The following DNAJC8 variants were observed in gnomAD, a reference collection of about 807,000 sequenced individuals.
DNAJC8 encodes DnaJ heat shock protein family (Hsp40) member C8, also known as dnaJ homolog subfamily C member 8.
Under a neutral mutation model 43.2 loss-of-function variants are expected in DNAJC8, and 24 were observed. The observed-to-expected ratio is 0.56, with a 90% confidence interval of 0.40 to 0.78. The LOEUF is 0.78. Among genes scored for constraint, DNAJC8 ranks in the 30% least tolerant of loss-of-function variants. DNAJC8 has a pLI of 0.00. For synonymous variants in DNAJC8, 83 were observed against 98.0 expected (o/e 0.85, Z 0.90); for missense variants, 207 against 299.4 (o/e 0.69, Z 2.28).
intron 2 of DNAJC8, among the ~76,000 whole-genome samples, chr1:28,220,907 T>C (rs1158428437): frequency 3.9e-5 from 6 of 152,116 alleles, no homozygotes; most frequent in Non-Finnish European, 8.8e-5. Context: ...TTTTAGGATA[T>C]GGAGGGAGAG....
intron 2 of DNAJC8, among the ~76,000 whole-genome samples, chr1:28,217,556 G>A (rs1646866708): frequency 6.6e-6 from 1 of 152,076 alleles, no homozygotes; most frequent in East Asian, 1.9e-4. Flanking sequence ...AAAGGAATTG[G>A]GAAAGTCACT....
In DNAJC8 at chr1:28,212,168, A is replaced by AATATATATAT. The variant is rs201782610; in HGVS notation, c.238-1541_238-1532dup. 2.2e-3 allele frequency among the ~76,000 whole-genome samples: 68 copies of AATATATATAT among 30,888 alleles called. 1 individual carries two copies. The highest frequency in any genetic ancestry group is 3.2e-3 in the Non-Finnish European group (46 of 14,170). The allele number at this position is 30,888 out of a possible 152,430, so 20.3% of individuals were successfully genotyped here. ...CGGACTCCGTCTCAATAAATAAATA[A>AATATATATAT]ATATATATATATATATATATATATA... is the stretch of plus-strand genomic sequence containing the variant. On this transcript the variant is annotated intron_variant, in intron 3 of 8. Coordinates refer to ENST00000263697, the MANE Select transcript of DNAJC8 (RefSeq NM_014280.3).
chr1:28,216,379 T>C (rs1372693163), intron 2 of DNAJC8, among the ~76,000 whole-genome samples: 1 of 152,032 alleles, frequency 6.6e-6, no homozygotes, highest in African/African-American at 2.4e-5. Context: ...AAACCACTAG[T>C]TCTGAGGAAA....
intron 1 of DNAJC8, among the ~76,000 whole-genome samples, chr1:28,230,578 C>T (rs547100): frequency 0.41 from 63,054 of 152,062 alleles, 14,567 homozygotes; most frequent in African/African-American, 0.62. Context: ...GACTGAATTA[C>T]CCTTCCTTAG....
intron 6 of DNAJC8, among the ~76,000 whole-genome samples, chr1:28,205,991 C>T (rs763972523): frequency 1.3e-5 from 2 of 152,094 alleles, no homozygotes; most frequent in Non-Finnish European, 2.9e-5. Context: ...TGAGACCACC[C>T]TGAGCAACAT....
chr1:28,227,752 A>G (rs1646946738), intron 2 of DNAJC8, among the ~76,000 whole-genome samples: 1 of 152,128 alleles, frequency 6.6e-6, no homozygotes, highest in Non-Finnish European at 1.5e-5. Flanking sequence ...CTCTTTAAAA[A>G]AGAAAAAGAA....
At chr1:28,216,474 C>CA in intron 2 of DNAJC8, among the ~76,000 whole-genome samples, 1 of 151,836 alleles carries the variant, frequency 6.6e-6, no homozygotes, top group East Asian at 1.9e-4. Context: ...CCCACCCTCA[C>CA]AAAAAAAGCC....
At chr1:28,219,830 C>T (rs529198032) in intron 2 of DNAJC8, among the ~76,000 whole-genome samples, 2 of 152,230 alleles carry the variant, frequency 1.3e-5, no homozygotes, top group East Asian at 3.9e-4. Flanking sequence ...GTGTTTGCCA[C>T]CATGCCCAGC....
intron 1 of DNAJC8, among the ~76,000 whole-genome samples, chr1:28,232,568 T>G (rs948878530): frequency 1.3e-5 from 2 of 152,086 alleles, no homozygotes; most frequent in African/African-American, 4.8e-5. Context: ...TACAAAGGAC[T>G]AAGAAACGTC....
At chr1:28,210,667 A>G (rs1646804525) in intron 3 of DNAJC8, 30 bp from the exon 4 acceptor site, 1 of 1,589,896 alleles carries the variant, frequency 6.3e-7, no homozygotes, top group Non-Finnish European at 8.6e-7. Flanking sequence ...GGGGTTGTCA[A>G]TAAGGGAAAC....
chr1:28,228,888 ATTACAGAGGC>A (rs2149025125), intron 2 of DNAJC8, 24 bp downstream of exon 2: 1 of 1,567,134 alleles, frequency 6.4e-7, no homozygotes, highest in African/African-American at 1.4e-5. Flanking sequence ...AATCTCCCCC[ATTACAGAGGC>A]CCTAGCAACA....
intron 8 of DNAJC8, among the ~76,000 whole-genome samples, chr1:28,202,278 T>C (rs1646739721): frequency 6.6e-6 from 1 of 152,082 alleles, no homozygotes; most frequent in Non-Finnish European, 1.5e-5. Flanking sequence ...TTTTTTGTTG[T>C]CATTGTTGTT....
At chr1:28,212,182 T>C (rs1188985085) in intron 3 of DNAJC8, among the ~76,000 whole-genome samples, 1 of 52,544 alleles carries the variant, frequency 1.9e-5, no homozygotes, top group African/African-American at 7.5e-5. Flanking sequence ...TATATATATA[T>C]ATATATATAT....
chr1:28,211,064 T>C (rs1168185187), intron 3 of DNAJC8, among the ~76,000 whole-genome samples: 2 of 152,128 alleles, frequency 1.3e-5, no homozygotes, highest in Non-Finnish European at 2.9e-5. Flanking sequence ...GTCCAAGCTA[T>C]TTAGGAAGCT....
At chr1:28,210,532 C>CAA (rs749057396) in intron 4 of DNAJC8, 39 bp downstream of exon 4, 233 of 1,567,342 alleles carry the variant, frequency 1.5e-4, no homozygotes, top group Admixed American at 7.5e-4. Flanking sequence ...CCCTGCCATT[C>CAA]ACAATCTAAT....
rs150583603 is a variant in DNAJC8, at chr1:28,228,123, G to A, written c.180+799C>T. ...CCCAGCACTTTGGGAGGCTGAGGCG[G>A]GTGGATCACAAGGTCAGGAGTTCGA... On this transcript the variant is annotated intron_variant, in intron 2 of 8. Coordinates refer to ENST00000263697, the MANE Select transcript of DNAJC8 (RefSeq NM_014280.3). Among the ~76,000 whole-genome samples the A allele has an allele frequency of 6.6e-4, 100 of 152,128 alleles. No individual in the cohort carries two copies. The East Asian group carries it at 0.014, about 21-fold the overall frequency.
At chr1:28,222,633 A>T (rs564586595) in intron 2 of DNAJC8, among the ~76,000 whole-genome samples, 3 of 152,194 alleles carry the variant, frequency 2.0e-5, no homozygotes, top group African/African-American at 7.2e-5. Context: ...CAAATCCATT[A>T]AGTGGGGTCA....
chr1:28,227,635 G>T (rs75786286), intron 2 of DNAJC8, among the ~76,000 whole-genome samples: 6,834 of 152,050 alleles, frequency 0.045, 204 homozygotes, highest in Middle Eastern at 0.092. Context: ...AGCCAGGTGT[G>T]GTGTCATATG....
chr1:28,207,831 G>A (rs892692726), intron 6 of DNAJC8, among the ~76,000 whole-genome samples: 3 of 151,904 alleles, frequency 2.0e-5, no homozygotes, highest in Non-Finnish European at 4.4e-5. Flanking sequence ...CGAGGCGGGT[G>A]GATCACCTGA....
Sources: gnomAD v4.1 joint callset for allele counts (sites outside exome capture counted in the v4.1 genomes callset) on GRCh38, gnomAD v4.1.1 for gene constraint, MANE v1.5 for transcripts, NCBI Gene and HGNC (gene_info 2026-07-23, HGNC 2026-07-21) for gene names.